Variants in WDR70 observed in about 807,000 individuals in gnomAD.
WDR70 encodes the protein WD repeat-containing protein 70.
In WDR70, 53 loss-of-function variants were observed where a neutral mutation model predicts 88.6. The ratio of observed to expected loss-of-function variants is 0.60; its 90% CI spans 0.48 to 0.75. The LOEUF is 0.75. Ranked by LOEUF, WDR70 falls within the 30% of genes least tolerant of loss-of-function variation. The pLI is 0.00. For missense variants in WDR70, 610 were observed against 823.2 expected (o/e 0.74, Z 3.17); for synonymous variants, 280 against 270.0 (o/e 1.04, Z -0.36).
At chr5:37,497,287 TTCCCTTCCCTTC>T (rs1243902692) in intron 8 of WDR70, among the ~76,000 whole-genome samples, 3 of 143,612 alleles carry the variant, frequency 2.1e-5, no homozygotes, top group Non-Finnish European at 3.1e-5. Context: ...TCCCTCCCTT[TTCCCTTCCCTTC>T]TCCCTTCCCT....
At chr5:37,425,467 T>C (rs2366173) in intron 5 of WDR70, among the ~76,000 whole-genome samples, 148,141 of 152,242 alleles carry the variant, frequency 0.97, 72,219 homozygotes, top group East Asian at 1. Context: ...TCTGGGAGAA[T>C]GGTGCAGGCA....
At chr5:37,420,214 A>G (rs1211720708) in intron 5 of WDR70, among the ~76,000 whole-genome samples, 1 of 152,198 alleles carries the variant, frequency 6.6e-6, no homozygotes, top group East Asian at 1.9e-4. Context: ...TTAATAAATA[A>G]ATAAAAAGAG....
intron 9 of WDR70, among the ~76,000 whole-genome samples, chr5:37,586,050 T>TA (rs1158391506): frequency 6.6e-6 from 1 of 152,236 alleles, no homozygotes; most frequent in Non-Finnish European, 1.5e-5. Flanking sequence ...CCTTTTGCCA[T>TA]AAACTCCTTC....
intron 8 of WDR70, among the ~76,000 whole-genome samples, chr5:37,483,542 C>T (rs899996171): frequency 6.6e-6 from 1 of 152,206 alleles, no homozygotes; most frequent in Non-Finnish European, 1.5e-5. Flanking sequence ...CTCTATCTTT[C>T]CCCCACCTTT....
chr5:37,392,270 A>G (rs1391769231), intron 4 of WDR70, 150 bp downstream of exon 4: 1 of 906,156 alleles, frequency 1.1e-6, no homozygotes, highest in East Asian at 3.2e-5. Context: ...TGTAACCTCC[A>G]TCTCCTGGGT....
rs35185990 is a variant in WDR70, at chr5:37,622,847, TA to T, written c.1092+17611del. ...CATGGCACATGTATACGTATGTAAC[TA>T]ACCTGCACGTTGTGCACATGTACCC... On this transcript the variant is annotated intron_variant, in intron 10 of 17. Coordinates refer to ENST00000265107, the MANE Select transcript of WDR70 (RefSeq NM_018034.4). Among the ~76,000 whole-genome samples the T allele has an allele frequency of 7.7e-3, 1,177 of 152,146 alleles. 27 individuals carry two copies. The East Asian group carries it at 0.086, about 11-fold the overall frequency.
chr5:37,496,111 C>T (rs1304071979), intron 8 of WDR70, among the ~76,000 whole-genome samples: 1 of 152,142 alleles, frequency 6.6e-6, no homozygotes, highest in East Asian at 1.9e-4. Flanking sequence ...CACTCTGTGT[C>T]TAACTAAAGG....
intron 10 of WDR70, among the ~76,000 whole-genome samples, chr5:37,689,331 G>A (rs1746710151): frequency 2.6e-5 from 4 of 152,242 alleles, no homozygotes; most frequent in African/African-American, 7.2e-5. Flanking sequence ...GAAGAGAGCA[G>A]TGGTTCTCCC....
rs532723527 is a variant in WDR70 at position 37,486,281 on chromosome 5, C to G, written c.840+6294C>G. 2.0e-5 allele frequency among the ~76,000 whole-genome samples: 3 copies of G among 152,228 alleles called. No homozygotes were observed. In the South Asian group the frequency reaches 6.2e-4, roughly 32 times the overall value. ...CAAACCCTCATAAGGATCACAATCT[C>G]ATGTCCTTTCTTTTGTTATTGAATG... On this transcript the variant is annotated intron_variant, in intron 8 of 17. Transcript: ENST00000265107.
intron 10 of WDR70, among the ~76,000 whole-genome samples, chr5:37,684,297 A>T (rs558886453): frequency 6.6e-6 from 1 of 151,986 alleles, no homozygotes; most frequent in Non-Finnish European, 1.5e-5. Context: ...TATTTCTGTC[A>T]TTTCAGCCGT....
chr5:37,726,343 T>C (rs1747969691), intron 16 of WDR70, among the ~76,000 whole-genome samples: 1 of 152,180 alleles, frequency 6.6e-6, no homozygotes. Flanking sequence ...GTCACTATAC[T>C]AGCTGCTAGA....
chr5:37,679,250 T>G (rs1746343945), intron 10 of WDR70, among the ~76,000 whole-genome samples: 1 of 152,228 alleles, frequency 6.6e-6, no homozygotes, highest in Admixed American at 6.5e-5. Context: ...TCATTCTCCG[T>G]CCAGCTTTGT....
At chr5:37,731,342 G>A (rs2112714047) in intron 17 of WDR70, among the ~76,000 whole-genome samples, 1 of 152,248 alleles carries the variant, frequency 6.6e-6, no homozygotes, top group Admixed American at 6.5e-5. Flanking sequence ...TGTCAATGTG[G>A]TTGTTCACAA....
chr5:37,461,617 G>T (rs1002668843), intron 7 of WDR70, among the ~76,000 whole-genome samples: 2 of 152,010 alleles, frequency 1.3e-5, no homozygotes, highest in Non-Finnish European at 2.9e-5. Flanking sequence ...CTGAGGAGCT[G>T]GGACTACAGG....
At chr5:37,693,951 C>G (rs1200035784) in intron 10 of WDR70, among the ~76,000 whole-genome samples, 1 of 152,130 alleles carries the variant, frequency 6.6e-6, no homozygotes, top group Admixed American at 6.6e-5. Context: ...TTGCTATCTA[C>G]CTATCTGACG....
intron 13 of WDR70, among the ~76,000 whole-genome samples, chr5:37,714,806 C>A (rs1033277106): frequency 9.9e-5 from 15 of 152,192 alleles, no homozygotes; most frequent in Non-Finnish European, 2.1e-4. Flanking sequence ...TTACTTATGC[C>A]TTCTTTGCCT....
chr5:37,551,401 A>G (rs1416598565), intron 9 of WDR70, among the ~76,000 whole-genome samples: 1 of 151,686 alleles, frequency 6.6e-6, no homozygotes, highest in Non-Finnish European at 1.5e-5. Context: ...TGTTATTACT[A>G]TTTATGTCTT....
chr5:37,750,306 G>A (rs1030017701), intron 17 of WDR70, among the ~76,000 whole-genome samples: 4 of 152,146 alleles, frequency 2.6e-5, no homozygotes, highest in African/African-American at 9.7e-5. Flanking sequence ...GGCCAGGATG[G>A]GTAGATTGCT....
At chr5:37,650,810 G>A (rs55732996) in intron 10 of WDR70, among the ~76,000 whole-genome samples, 62,377 of 151,604 alleles carry the variant, frequency 0.41, 14,829 homozygotes, top group Non-Finnish European at 0.54. Context: ...CATACTCTCC[G>A]TCCTGTGCTC....
Sources: allele counts gnomAD v4.1 joint callset (sites outside exome capture counted in the v4.1 genomes callset), GRCh38; gene constraint gnomAD v4.1.1; transcripts MANE v1.5; gene names NCBI Gene and HGNC (gene_info 2026-07-23, HGNC 2026-07-21).